INVS: variants seen among roughly 807,000 people sequenced by gnomAD.
INVS encodes the protein inversin.
INVS carries 86 observed loss-of-function variants against 108.8 expected under a neutral mutation model. That is an observed-to-expected ratio of 0.79 (90% CI 0.66 to 0.95). INVS has a LOEUF of 0.95. INVS is among the 40% of genes least tolerant of loss of function. INVS has a pLI of 0.00. For synonymous variants in INVS, 455 were observed against 473.5 expected (o/e 0.96, Z 0.51); for missense variants, 1,169 against 1,297.4 (o/e 0.90, Z 1.52).
intron 1 of INVS, chr9:100,102,857 AC>A (rs1827042337): frequency 6.6e-6 from 1 of 152,152 alleles, no homozygotes; most frequent in Admixed American, 6.5e-5. Context: ...TAGTTTTTTA[AC>A]TAATTTTTTT....
intron 3 of INVS, among the ~76,000 whole-genome samples, chr9:100,204,252 C>G (rs1282073839): frequency 2.0e-5 from 3 of 152,102 alleles, no homozygotes; most frequent in Admixed American, 6.5e-5. Context: ...CCCAGCTGTC[C>G]TGACAAGTTA....
chr9:100,292,976 C>T lies in INVS; in HGVS notation c.2719C>T (p.Arg907Ter), dbSNP rs267607185. The T allele has an allele frequency of 1.6e-5, 26 of 1,613,542 alleles. No homozygotes were observed. The highest frequency in any genetic ancestry group is 4.4e-5 in the South Asian group (4 of 91,068). ...ELRLQIIQRE[R>*]RRKELFRKKN... ...CCGACTGCAGATAATTCAGAGAGAA[C>T]GAAGGAGGAAGGAGCTGTTTCGCAA... The change falls in exon 14 of 17, where the codon CGA becomes TGA. Residue 907 changes from arginine to a stop codon, truncating the protein, a stop_gained. Coordinates refer to ENST00000262457, the MANE Select transcript of INVS (RefSeq NM_014425.5). LOFTEE classifies it high-confidence loss of function.
chr9:100,169,949 A>G (rs1488379610), intron 3 of INVS, among the ~76,000 whole-genome samples: 1 of 152,186 alleles, frequency 6.6e-6, no homozygotes, highest in Non-Finnish European at 1.5e-5. Flanking sequence ...CCTGAGGTCC[A>G]TACTATTTAT....
chr9:100,193,123 A>C (rs1295476149), intron 3 of INVS, among the ~76,000 whole-genome samples: 1 of 151,934 alleles, frequency 6.6e-6, no homozygotes, highest in Admixed American at 6.6e-5. Flanking sequence ...TACTACAGGC[A>C]TGTGCCACCA....
chr9:100,196,490 G>T (rs1162555376), intron 3 of INVS, among the ~76,000 whole-genome samples: 2 of 151,980 alleles, frequency 1.3e-5, no homozygotes, highest in Admixed American at 1.3e-4. Flanking sequence ...TTATCAGGTT[G>T]CTCATTTACT....
intron 13 of INVS, among the ~76,000 whole-genome samples, chr9:100,285,075 T>G (rs527385355): frequency 2.6e-5 from 4 of 152,354 alleles, no homozygotes; most frequent in Non-Finnish European, 5.9e-5. Context: ...TTCCTTTCTG[T>G]ATGAAGAGCT....
Position 100,246,693 on chromosome 9 carries a change from G to A in INVS, c.984G>A (p.Trp328Ter). Residue 328 changes from tryptophan to a stop codon, truncating the protein, a stop_gained, in exon 8 of 17, where the codon TGG (tryptophan) becomes TGA (stop). Transcript: ENST00000262457. LOFTEE classifies it high-confidence loss of function. ...TGGAAGGAAGAACATCCTTTATGTGGGCAGCTGGCAAAGGCAGTGATGATG... is the reference window on the plus strand; with the variant it reads ...TGGAAGGAAGAACATCCTTTATGTGAGCAGCTGGCAAAGGCAGTGATGATG... ...SDLEGRTSFM[W>*]AAGKGSDDVL... The A allele has an allele frequency of 5.6e-6, 9 of 1,613,698 alleles. No homozygotes were observed. Among genetic ancestry groups the A allele is most frequent in the Non-Finnish European group, 7.6e-6 (9 of 1,179,672 alleles).
rs191001684 is a variant in INVS, at chr9:100,107,887, T to C, written c.106+3260T>C. ...CACAGTACTTGGCACATAAGAAATATATTTGTTGAAGGAATGAATAAATAT... is the reference window on the plus strand; with the variant it reads ...CACAGTACTTGGCACATAAGAAATACATTTGTTGAAGGAATGAATAAATAT... On this transcript the variant is annotated intron_variant, in intron 2 of 16. Coordinates refer to ENST00000262457, the MANE Select transcript of INVS (RefSeq NM_014425.5). Among the ~76,000 whole-genome samples, 237 of 152,312 alleles carry C rather than the reference T, an allele frequency of 1.6e-3. 2 individuals carry two copies. Among genetic ancestry groups the C allele is most frequent in the African/African-American group, 5.5e-3 (229 of 41,570 alleles).
At chr9:100,262,149 G>C (rs150056014) in intron 10 of INVS, among the ~76,000 whole-genome samples, 20 of 150,400 alleles carry the variant, frequency 1.3e-4, no homozygotes, top group Admixed American at 1.3e-3. Context: ...AGATTTTTGC[G>C]TCTATGTTTA....
chr9:100,290,627 C>T (rs1453018808), intron 13 of INVS, among the ~76,000 whole-genome samples: 2 of 152,256 alleles, frequency 1.3e-5, no homozygotes, highest in African/African-American at 4.8e-5. Flanking sequence ...GCTGGGATTA[C>T]AGGCGTGAGC....
Position 100,291,317 on chromosome 9 carries a change from C to A in INVS, c.2069-1009C>A, listed in dbSNP as rs191186104. Among the ~76,000 whole-genome samples the A allele has an allele frequency of 2.0e-4, 30 of 152,320 alleles. No homozygotes were observed. In the East Asian group the frequency reaches 5.2e-3, roughly 26 times the overall value. ...GACCTCATGATTCCTGCCTCGGCCT[C>A]CCAAAGTGCTGGGATTACAGGCATG... On this transcript the variant is annotated intron_variant, in intron 13 of 16. Coordinates refer to ENST00000262457, the MANE Select transcript of INVS (RefSeq NM_014425.5).
intron 7 of INVS, 91 bp downstream of exon 7, chr9:100,242,770 C>T (rs1831920869): frequency 2.5e-6 from 2 of 785,182 alleles, no homozygotes; most frequent in Non-Finnish European, 4.6e-6. Flanking sequence ...GGAAATAATA[C>T]AACAAGATTG....
chr9:100,228,350 G>A (rs1446172404), intron 4 of INVS, among the ~76,000 whole-genome samples: 1 of 152,126 alleles, frequency 6.6e-6, no homozygotes, highest in Non-Finnish European at 1.5e-5. Flanking sequence ...AAGTGCTGCT[G>A]TATTTTCAAA....
rs1454381223 is a variant in INVS at position 100,273,031 on chromosome 9, A to G, written c.1739A>G (p.Asn580Ser). 1.2e-6 allele frequency: 2 copies of G among 1,613,710 alleles called. No homozygotes were observed. The highest frequency in any genetic ancestry group is 2.7e-5 in the African/African-American group (2 of 74,782). The change falls in exon 12 of 17, where the codon AAT (asparagine) becomes AGT (serine). Residue 580 changes from asparagine to serine, a missense_variant. By Grantham distance (46) the Asn-to-Ser change is conservative (BLOSUM62 1). Transcript: ENST00000262457. ...KVRKAFRDRK[N>S]LLMKHEQLRK... ...AGAAAAGCCTTCCGAGACAGGAAAA[A>G]TCTCCTCATGAAGCATGAACAGTTG...
At chr9:100,240,925 A>G (rs1039297432) in intron 6 of INVS, among the ~76,000 whole-genome samples, 3 of 152,044 alleles carry the variant, frequency 2.0e-5, no homozygotes, top group African/African-American at 4.8e-5. Flanking sequence ...TGAATTGCCT[A>G]ATGTTTTAGG....
chr9:100,242,783 T>C, intron 7 of INVS, 104 bp downstream of exon 7: 1 of 746,972 alleles, frequency 1.3e-6, no homozygotes, highest in Non-Finnish European at 2.4e-6. Flanking sequence ...CAAGATTGCA[T>C]GTACCCTTCA....
rs766878491 is a variant in INVS at position 100,297,918 on chromosome 9, G to A, written c.3017-18G>A. 1.2e-6 allele frequency: 2 copies of A among 1,613,842 alleles called. No homozygotes were observed. Among genetic ancestry groups the A allele is most frequent in the Non-Finnish European group, 1.7e-6 (2 of 1,179,866 alleles). On this transcript the variant is annotated intron_variant, in intron 15 of 16. Coordinates refer to ENST00000262457, the MANE Select transcript of INVS (RefSeq NM_014425.5). ...TATCCCTGGCCAAAGAAAAGTAACA[G>A]TTGTTGGTTCATTTCAGGTTGTTCT... is the stretch of plus-strand genomic sequence containing the variant.
At chr9:100,158,009 G>A (rs1435840551) in intron 3 of INVS, among the ~76,000 whole-genome samples, 1 of 152,078 alleles carries the variant, frequency 6.6e-6, no homozygotes, top group Non-Finnish European at 1.5e-5. Context: ...TTCTTAATGT[G>A]GTGTATATCA....
chr9:100,129,318 C>A (rs929845350), intron 3 of INVS, among the ~76,000 whole-genome samples: 1 of 151,752 alleles, frequency 6.6e-6, no homozygotes, highest in African/African-American at 2.4e-5. Context: ...CCTGTCTCTA[C>A]TAAAAACACA....
Sources: allele counts gnomAD v4.1 joint callset (sites outside exome capture counted in the v4.1 genomes callset), GRCh38; gene constraint gnomAD v4.1.1; transcripts MANE v1.5; gene names NCBI Gene and HGNC (gene_info 2026-07-23, HGNC 2026-07-21).